NOTCH2NLB: variants seen among roughly 807,000 people sequenced by gnomAD.
NOTCH2NLB encodes notch 2 N-terminal like B.
Under a neutral mutation model 14.8 loss-of-function variants are expected in NOTCH2NLB, and 1 was observed. The ratio of observed to expected loss-of-function variants is 0.07; its 90% CI spans 0.02 to 0.32. The LOEUF (loss-of-function observed/expected upper bound fraction) is 0.32, where lower values mean the gene tolerates loss of function less well. NOTCH2NLB is among the 10% of genes least tolerant of loss of function. NOTCH2NLB has a pLI of 1.00. For missense variants in NOTCH2NLB, 11 were observed against 155.0 expected (o/e 0.07, Z 4.93); for synonymous variants, 6 against 57.5 (o/e 0.10, Z 4.05).
chr1:148,661,941 A>ACAAGTATAG (rs1439717607), intron 1 of NOTCH2NLB, among the ~76,000 whole-genome samples: 1 of 94,612 alleles, frequency 1.1e-5, no homozygotes, highest in African/African-American at 4.5e-5. Context: ...TTGTGGAAAG[A>ACAAGTATAG]CAAGTATAGC....
At chr1:148,636,851 C>T (rs1435895721) in intron 2 of NOTCH2NLB, among the ~76,000 whole-genome samples, 1 of 142,104 alleles carries the variant, frequency 7.0e-6, no homozygotes, top group Non-Finnish European at 1.5e-5. Context: ...ATTACTTTTG[C>T]TGAGGTAGGG....
chr1:148,670,497 G>A (rs1361267421), intron 1 of NOTCH2NLB, among the ~76,000 whole-genome samples: 4 of 129,888 alleles, frequency 3.1e-5, no homozygotes, highest in African/African-American at 1.1e-4. Context: ...ATGTGTGTGT[G>A]CATATATATA....
chr1:148,622,996 GAGA>G (rs1663921606), intron 2 of NOTCH2NLB, among the ~76,000 whole-genome samples: 2 of 111,828 alleles, frequency 1.8e-5, no homozygotes, highest in South Asian at 4.3e-4. Context: ...CTATAGCACT[GAGA>G]AGGACACCAA....
chr1:148,701,054 G>A, the NOTCH2NLB span, among the ~76,000 whole-genome samples: 3 of 47,430 alleles, frequency 6.3e-5, 1 homozygote, highest in Non-Finnish European at 8.4e-5. Flanking sequence ...GCTCTGGGAC[G>A]ACTCTTTGGT....
At chr1:148,651,144 G>GAAAA (rs1159790526) in intron 1 of NOTCH2NLB, among the ~76,000 whole-genome samples, 29 of 76,478 alleles carry the variant, frequency 3.8e-4, no homozygotes, top group African/African-American at 1.1e-3. Flanking sequence ...CTCTGCCTGA[G>GAAAA]AAAAAAAAAA....
chr1:148,629,382 T>C, intron 2 of NOTCH2NLB, among the ~76,000 whole-genome samples: 2 of 69,006 alleles, frequency 2.9e-5, no homozygotes, highest in Admixed American at 2.6e-4. Context: ...ACTTCCCATC[T>C]CATGATGCTA....
At chr1:148,673,797 CAAACAAACAA>C (rs1664800608) in intron 1 of NOTCH2NLB, among the ~76,000 whole-genome samples, 1 of 144,884 alleles carries the variant, frequency 6.9e-6, no homozygotes, top group Non-Finnish European at 1.6e-5. Flanking sequence ...TCTCAAAAAA[CAAACAAACAA>C]AAACAAACAC....
intron 1 of NOTCH2NLB, among the ~76,000 whole-genome samples, chr1:148,651,162 A>AT (rs1325402394): frequency 9.1e-3 from 418 of 45,870 alleles, no homozygotes; most frequent in East Asian, 0.057. Context: ...AAAAAAAAAA[A>AT]ATATATATAT....
In NOTCH2NLB at chr1:148,661,027, GACTT is replaced by G. The variant is rs1291079527; in HGVS notation, c.3+18431_3+18434del. Among the ~76,000 whole-genome samples, 778 of 146,632 alleles carry G rather than the reference GACTT, an allele frequency of 5.3e-3. 42 individuals carry two copies. Among genetic ancestry groups the G allele is most frequent in the African/African-American group, 0.018 (730 of 39,958 alleles). The stretch of plus-strand genomic sequence containing the variant: ...AGAGGGCTATGTTTTTTTCAGGTCT[GACTT>G]ATCTTTTGCTATGGGTACACTGTCT... On this transcript the variant is annotated intron_variant, in intron 1 of 4. Coordinates refer to ENST00000593495, the Ensembl canonical transcript of NOTCH2NLB.
chr1:148,645,585 T>A (rs1485776881), intron 1 of NOTCH2NLB, among the ~76,000 whole-genome samples: 2 of 148,674 alleles, frequency 1.3e-5, no homozygotes, highest in Non-Finnish European at 3.0e-5. Context: ...GTTTATGCCC[T>A]CTTTCCTGAA....
At chr1:148,606,467 CTTT>C (rs1221983475), downstream of NOTCH2NLB, among the ~76,000 whole-genome samples, 1 of 145,430 alleles carries the variant, frequency 6.9e-6, no homozygotes, top group Non-Finnish European at 1.5e-5. Context: ...AGTTTTCCTT[CTTT>C]TGTTTTTGTA....
chr1:148,609,551 A>G (rs1426080582), intron 3 of NOTCH2NLB, among the ~76,000 whole-genome samples: 1 of 136,414 alleles, frequency 7.3e-6, no homozygotes, highest in Non-Finnish European at 1.6e-5. Context: ...TGCCGCAATA[A>G]ACATACGTGT....
chr1:148,615,187 T>G (rs1571091356), intron 3 of NOTCH2NLB, among the ~76,000 whole-genome samples: 2 of 134,318 alleles, frequency 1.5e-5, no homozygotes, highest in South Asian at 5.2e-4. Flanking sequence ...CAGGCTAGAG[T>G]GCAGTGGTGC....
At chr1:148,670,535 A>ACATATATAT (rs1347581270) in intron 1 of NOTCH2NLB, among the ~76,000 whole-genome samples, 3 of 60,536 alleles carry the variant, frequency 5.0e-5, no homozygotes, top group Admixed American at 1.7e-4. Flanking sequence ...AAACTAAAAA[A>ACATATATAT]AAAAATATAT....
the NOTCH2NLB span, among the ~76,000 whole-genome samples, chr1:148,699,942 G>T: frequency 2.4e-5 from 2 of 84,400 alleles, 1 homozygote; most frequent in African/African-American, 7.6e-5. Context: ...GTAAATGTGT[G>T]CCATGGTGAT....
At chr1:148,601,289 T>G in the NOTCH2NLB span, among the ~76,000 whole-genome samples, 3 of 149,142 alleles carry the variant, frequency 2.0e-5, no homozygotes, top group African/African-American at 7.4e-5. Context: ...TACAGAATTC[T>G]CTTTGGAAAG....
upstream of NOTCH2NLB, among the ~76,000 whole-genome samples, chr1:148,679,956 CGGCCCCGGGGGCCGCCG>C (rs1664908213): frequency 9.5e-5 from 5 of 52,388 alleles, no homozygotes; most frequent in African/African-American, 1.7e-4. Flanking sequence ...CCTTCTCCAG[CGGCCCCGGGGGCCGCCG>C]CGCCTTAACT....
chr1:148,625,293 G>T (rs1472217152), intron 2 of NOTCH2NLB, among the ~76,000 whole-genome samples: 215 of 54,322 alleles, frequency 4.0e-3, no homozygotes, highest in South Asian at 6.7e-3. Context: ...TATCAGCAGG[G>T]TGAGGCCAAA....
At chr1:148,661,390 G>A (rs1664680335) in intron 1 of NOTCH2NLB, among the ~76,000 whole-genome samples, 1 of 150,010 alleles carries the variant, frequency 6.7e-6, no homozygotes, top group Non-Finnish European at 1.5e-5. Context: ...TTAAATCAGA[G>A]ATACTTAATT....
Sources: gnomAD v4.1 joint callset for allele counts (sites outside exome capture counted in the v4.1 genomes callset) on GRCh38, gnomAD v4.1.1 for gene constraint, MANE v1.5 for transcripts, NCBI Gene and HGNC (gene_info 2026-07-23, HGNC 2026-07-21) for gene names.